ABLIM1: variants seen among roughly 807,000 people sequenced by gnomAD.
The protein encoded by ABLIM1 is actin binding LIM protein 1.
A neutral mutation model predicts 107.0 loss-of-function variants in ABLIM1; 40 were observed. The observed-to-expected ratio is 0.37, with a 90% CI of 0.29 to 0.49. The LOEUF is 0.49. Ranked by LOEUF, ABLIM1 falls within the 20% of genes least tolerant of loss-of-function variation. ABLIM1 has a pLI of 0.97. For synonymous variants in ABLIM1, 357 were observed against 357.3 expected (o/e 1.00, Z 0.01); for missense variants, 857 against 1,008.5 (o/e 0.85, Z 2.04).
At chr10:114,440,044 C>A in intron 20 of ABLIM1, 38 bp downstream of exon 20, 1 of 1,613,624 alleles carries the variant, frequency 6.2e-7, no homozygotes, top group Non-Finnish European at 8.5e-7. Context: ...GCTGTTCTAT[C>A]GGTGTGGCCA....
chr10:114,632,102 T>A, intron 1 of ABLIM1: 1 of 985,138 alleles, frequency 1.0e-6, no homozygotes, highest in Non-Finnish European at 1.2e-6. Context: ...CCCGCTCCCA[T>A]GCCCGCCCCG....
At chr10:114,485,452 A>T (rs2134636133) in intron 8 of ABLIM1, 1 of 1,368,496 alleles carries the variant, frequency 7.3e-7, no homozygotes, top group South Asian at 1.4e-5. Flanking sequence ...TATTTTAAAA[A>T]ATAAAACAAA....
chr10:114,776,505 C>T, the ABLIM1 span, among the ~76,000 whole-genome samples: 2 of 151,372 alleles, frequency 1.3e-5, no homozygotes, highest in Non-Finnish European at 2.9e-5. Flanking sequence ...CGCAGCTACT[C>T]GGGAGGCTGA....
chr10:114,640,927 AAAATT>A (rs1189718945), intron 1 of ABLIM1, among the ~76,000 whole-genome samples: 1 of 152,132 alleles, frequency 6.6e-6, no homozygotes, highest in Non-Finnish European at 1.5e-5. Flanking sequence ...ACTGGGCCTG[AAAATT>A]ATGTATCCTG....
At chr10:114,485,594 C>T (rs2058077346) in intron 8 of ABLIM1, among the ~76,000 whole-genome samples, 1 of 152,170 alleles carries the variant, frequency 6.6e-6, no homozygotes, top group Admixed American at 6.5e-5. Context: ...GTAAATTTAT[C>T]TAAGCTCCAA....
rs558936573 is a variant in ABLIM1, at chr10:114,764,478, A to G, written c.-213+3583T>C. Among the ~76,000 whole-genome samples, 16 of 152,154 alleles carry G rather than the reference A, an allele frequency of 1.1e-4. No homozygotes were observed. In the South Asian group the frequency reaches 1.2e-3, roughly 12 times the overall value. ...TGCCTCAGCCTCCCGAGTAGCTGGG[A>G]TTACAGGCGTGTGCCACCATGCCCG... On this transcript the variant is annotated intron_variant, in intron 1 of 15. Transcript: ENST00000651092.
At chr10:114,768,524 G>C (rs576080853), upstream of ABLIM1, among the ~76,000 whole-genome samples, 1 of 152,254 alleles carries the variant, frequency 6.6e-6, no homozygotes, top group South Asian at 2.1e-4. Flanking sequence ...AGGGCCGTTC[G>C]TTCCTTCCCC....
intron 6 of ABLIM1, among the ~76,000 whole-genome samples, chr10:114,514,298 CA>C (rs56189382): frequency 0.49 from 58,246 of 119,876 alleles, 11,820 homozygotes; most frequent in East Asian, 0.62. Context: ...GACTCTGTCT[CA>C]AAAAAAAAAA....
chr10:114,676,801 T>A (rs1167173154), intron 1 of ABLIM1, among the ~76,000 whole-genome samples: 1 of 152,142 alleles, frequency 6.6e-6, no homozygotes, highest in East Asian at 1.9e-4. Context: ...AGTGGCATGA[T>A]CTCGACTCAC....
chr10:114,438,962 C>T (rs2059809889), intron 21 of ABLIM1, among the ~76,000 whole-genome samples: 1 of 152,236 alleles, frequency 6.6e-6, no homozygotes, highest in South Asian at 2.1e-4. Flanking sequence ...GGGACTGGCA[C>T]CTCACTGTAA....
At chr10:114,748,719 T>C (rs1297465485) in intron 1 of ABLIM1, among the ~76,000 whole-genome samples, 1 of 150,874 alleles carries the variant, frequency 6.6e-6, no homozygotes, top group Non-Finnish European at 1.5e-5. Flanking sequence ...TGCAGTGACA[T>C]GATCATAGCT....
intron 1 of ABLIM1, among the ~76,000 whole-genome samples, chr10:114,649,965 C>G (rs1181957296): frequency 6.6e-6 from 1 of 152,080 alleles, no homozygotes; most frequent in Non-Finnish European, 1.5e-5. Flanking sequence ...AAGCAATTTC[C>G]CAGCCTCAGC....
intron 6 of ABLIM1, among the ~76,000 whole-genome samples, chr10:114,500,385 C>T (rs1408302479): frequency 2.0e-5 from 3 of 152,142 alleles, no homozygotes; most frequent in Non-Finnish European, 4.4e-5. Flanking sequence ...CTCATTTCTT[C>T]ACCTGTAAAA....
At chr10:114,450,593 G>A (rs778483649) in intron 14 of ABLIM1, among the ~76,000 whole-genome samples, 6 of 150,808 alleles carry the variant, frequency 4.0e-5, no homozygotes, top group African/African-American at 7.4e-5. Context: ...GCGCCACCAC[G>A]CCCAGCTAAC....
At chr10:114,470,125 T>G (rs1590066696) in intron 10 of ABLIM1, among the ~76,000 whole-genome samples, 1 of 152,138 alleles carries the variant, frequency 6.6e-6, no homozygotes, top group African/African-American at 2.4e-5. Context: ...GTTTCTTAAA[T>G]GGCAATATGT....
Position 114,619,864 on chromosome 10 carries a change from T to G in ABLIM1, c.245-17903A>C, listed in dbSNP as rs888177080. On this transcript the variant is annotated intron_variant, in intron 1 of 22. Coordinates refer to ENST00000533213, the MANE Select transcript of ABLIM1 (RefSeq NM_002313.7). The surrounding 1 kb of genome is among the most constrained non-coding windows in gnomAD (Gnocchi z 4.1). ...TTTAACAGTTGGGTTAGTTCTTAAT[T>G]GTATCAAGCACCCAAGACAGATGAC... 1.3e-5 allele frequency among the ~76,000 whole-genome samples: 2 copies of G among 152,254 alleles called. No individual in the cohort carries two copies. Among genetic ancestry groups the G allele is most frequent in the Non-Finnish European group, 1.5e-5 (1 of 68,044 alleles).
the ABLIM1 span, among the ~76,000 whole-genome samples, chr10:114,787,410 G>A: frequency 4.0e-5 from 6 of 150,804 alleles, no homozygotes; most frequent in Non-Finnish European, 5.9e-5. Context: ...AGATGGGGGG[G>A]TCAGCCCCCC....
At chr10:114,471,051 AT>A (rs1457617931) in intron 10 of ABLIM1, among the ~76,000 whole-genome samples, 1 of 152,010 alleles carries the variant, frequency 6.6e-6, no homozygotes, top group Admixed American at 6.6e-5. Context: ...TTCCTGGCTA[AT>A]TTTTGTATTT....
intron 1 of ABLIM1, among the ~76,000 whole-genome samples, chr10:114,699,191 C>T (rs1591843227): frequency 6.9e-6 from 1 of 144,212 alleles, no homozygotes; most frequent in Non-Finnish European, 1.5e-5. Context: ...ATGAAGCAAA[C>T]TAAAGAGTCA....
Sources: allele counts gnomAD v4.1 joint callset (sites outside exome capture counted in the v4.1 genomes callset), GRCh38; gene constraint gnomAD v4.1.1; non-coding constraint Gnocchi (gnomAD v3.1); transcripts MANE v1.5; gene names NCBI Gene and HGNC (gene_info 2026-07-23, HGNC 2026-07-21).